CBX2: variants seen among roughly 807,000 people sequenced by gnomAD.
The protein encoded by CBX2 is chromobox protein homolog 2.
In CBX2, 11 loss-of-function variants were observed where a neutral mutation model predicts 21.0. That is an observed-to-expected ratio of 0.52 (90% CI 0.33 to 0.87). The LOEUF (loss-of-function observed/expected upper bound fraction) is 0.87. CBX2 is among the 40% of genes least tolerant of loss of function. The pLI is 0.02. For synonymous variants in CBX2, 364 were observed against 304.6 expected (o/e 1.19, Z -2.03); for missense variants, 746 against 724.3 (o/e 1.03, Z -0.34).
chr17:79,781,906 C>G (rs1246018164), intron 4 of CBX2, 105 bp downstream of exon 4: 10 of 1,614,064 alleles, frequency 6.2e-6, no homozygotes, highest in Non-Finnish European at 8.5e-6. Context: ...GGTGGCACTT[C>G]TGCCAACAGT....
chr17:79,782,770 C>A (rs1247714826), intron 4 of CBX2, among the ~76,000 whole-genome samples: 1 of 152,158 alleles, frequency 6.6e-6, no homozygotes, highest in African/African-American at 2.4e-5. Flanking sequence ...TTGAGGAGAT[C>A]ACTCCTGTTG....
chr17:79,785,226 G>C lies in CBX2; in HGVS notation c.*184G>C, dbSNP rs1907554594. On this transcript the variant is annotated 3_prime_UTR_variant, in exon 5 of 5. Coordinates refer to ENST00000310942, the MANE Select transcript of CBX2 (RefSeq NM_005189.3). ...CACCCCACTCTGTCCCAGGACATAG[G>C]GCAGGGGGCCTCACTGCCTTGTTGG... The C allele has an allele frequency of 1.6e-6, 1 of 622,884 alleles. No individual in the cohort carries two copies. The highest frequency in any genetic ancestry group is 2.9e-6 in the Non-Finnish European group (1 of 349,114). 38.6% of individuals were successfully genotyped at this position (622,884 alleles called of 1,614,324 possible). A position where few individuals can be genotyped will look rare whatever the true frequency, so the allele number is the denominator to read the frequency against.
In CBX2 at chr17:79,784,752, C is replaced by G. The variant is rs1255121769; in HGVS notation, c.1309C>G (p.Pro437Ala). 6.2e-7 allele frequency: 1 copy of G among 1,611,078 alleles called. No individual in the cohort carries two copies. Among genetic ancestry groups the G allele is most frequent in the African/African-American group, 1.3e-5 (1 of 74,996 alleles). Residue 437 changes from proline (P) to alanine (A), a missense_variant, in exon 5 of 5, where the codon CCC (proline) becomes GCC (alanine). Transcript: ENST00000310942. The surrounding 1 kb of genome is among the most constrained non-coding windows in gnomAD (Gnocchi z 5.9). ...KRDCVKGSAT[P>A]SGQESRTAPG... ...GGACTGTGTCAAGGGCAGTGCTACC[C>G]CCAGTGGGCAGGAGAGCCGCACAGC...
intron 4 of CBX2, chr17:79,782,462 A>G: frequency 8.0e-7 from 1 of 1,246,888 alleles, no homozygotes. Context: ...GAGGCAGGAC[A>G]GGATGGGGGA....
chr17:79,779,327 T>C, intron 2 of CBX2, 35 bp from the exon 3 acceptor site: 3 of 1,605,490 alleles, frequency 1.9e-6, no homozygotes, highest in Non-Finnish European at 2.6e-6. Context: ...ATCATCAGCC[T>C]GGCGTCTAAT....
Position 79,779,348 on chromosome 17 carries a change from C to T in CBX2, c.117-14C>T, listed in dbSNP as rs373265960. 5.3e-5 allele frequency: 86 copies of T among 1,612,916 alleles called. No individual in the cohort carries two copies. The African/African-American group carries it at 6.1e-4, about 12-fold the overall frequency. On this transcript the variant is annotated splice_polypyrimidine_tract_variant and intron_variant, in intron 2 of 4. Coordinates refer to ENST00000310942, the MANE Select transcript of CBX2 (RefSeq NM_005189.3). Reference sequence around the variant, plus strand: ...AGCCTGGCGTCTAATGCTGCCCTGTCCTCTGCTTTGCAGACATAACAGCTG... The same window carrying T: ...AGCCTGGCGTCTAATGCTGCCCTGTTCTCTGCTTTGCAGACATAACAGCTG...
At position 79,782,518 on chromosome 17, in the gene CBX2, C is replaced by T. The variant is rs138215310; in HGVS notation, c.288+717C>T. On this transcript the variant is annotated intron_variant, in intron 4 of 4. Coordinates refer to ENST00000310942, the MANE Select transcript of CBX2 (RefSeq NM_005189.3). ...CGGGTGTGGCTTTGATTCCCTCCTC[C>T]GGGCACTGTCCCTGGACCTTCGCGT... 24 of 1,167,628 alleles carry T rather than the reference C, an allele frequency of 2.1e-5. No individual in the cohort carries two copies. In the East Asian group the frequency reaches 2.8e-4, roughly 14 times the overall value. The allele number at this position is 1,167,628 out of a possible 1,614,324, so 72.3% of individuals were successfully genotyped here.
intron 4 of CBX2, chr17:79,782,222 G>T: frequency 6.2e-7 from 1 of 1,600,816 alleles, no homozygotes; most frequent in Non-Finnish European, 8.5e-7. Context: ...CCCACCTGCG[G>T]GTGCACCTTA....
rs1202346923 is a variant in CBX2 at position 79,781,679 on chromosome 17, T to G, written c.183-17T>G. On this transcript the variant is annotated splice_polypyrimidine_tract_variant and intron_variant, in intron 3 of 4. Transcript: ENST00000310942. ...CGCACAGGGCTTCTCCCCCATTAAC[T>G]AGTGGTGTGCCTTCAGGGAACATGA... 1.2e-6 allele frequency: 2 copies of G among 1,605,434 alleles called. No individual in the cohort carries two copies. Among genetic ancestry groups the G allele is most frequent in the African/African-American group, 2.7e-5 (2 of 74,720 alleles).
intron 4 of CBX2, among the ~76,000 whole-genome samples, chr17:79,783,201 T>C (rs545118253): frequency 4.6e-5 from 7 of 152,330 alleles, no homozygotes; most frequent in African/African-American, 1.7e-4. Flanking sequence ...TCTTCATTTT[T>C]ACGAGCCACC....
rs782765846 is a variant in CBX2, at chr17:79,785,048, C to T, written c.*6C>T. 14 of 1,596,696 alleles carry T rather than the reference C, an allele frequency of 8.8e-6. No individual in the cohort carries two copies. Among genetic ancestry groups the T allele is most frequent in the South Asian group, 6.6e-5 (6 of 91,002 alleles). ...TCAACCTGAGGCATTACTGAAGCCC[C>T]GGCGCCACCAGCTGCGCGGTCTTAC... On this transcript the variant is annotated 3_prime_UTR_variant, in exon 5 of 5. Coordinates refer to ENST00000310942, the MANE Select transcript of CBX2 (RefSeq NM_005189.3).
chr17:79,783,432 CGTA>C (rs1907384531), intron 4 of CBX2, among the ~76,000 whole-genome samples: 1 of 146,446 alleles, frequency 6.8e-6, no homozygotes, highest in Non-Finnish European at 1.5e-5. Context: ...TTTTTTGAGA[CGTA>C]GTCTCGCTCT....
rs942484000 is a variant in CBX2, at chr17:79,783,867, G to T, written c.424G>T (p.Val142Leu). 6 of 1,614,006 alleles carry T rather than the reference G, an allele frequency of 3.7e-6. No homozygotes were observed. The highest frequency in any genetic ancestry group is 5.1e-6 in the Non-Finnish European group (6 of 1,179,956). Residue 142 changes from valine (V) to leucine (L), a missense_variant, in exon 5 of 5, where the codon GTG (valine) becomes TTG (leucine). This residue lies in a region of CBX2 where 701 missense variants were observed against 650.7 expected (regional missense o/e 1.08). Coordinates refer to ENST00000310942, the MANE Select transcript of CBX2 (RefSeq NM_005189.3). ...RGPRGRETHPVPQKKAQILVA... is the reference protein window; with the variant it reads ...RGPRGRETHPLPQKKAQILVA... ...TCCCCGGGGCCGCGAGACCCACCCA[G>T]TGCCGCAGAAGAAGGCCCAGATCCT...
chr17:79,781,455 C>T (rs1414695803), intron 3 of CBX2, among the ~76,000 whole-genome samples: 1 of 152,146 alleles, frequency 6.6e-6, no homozygotes, highest in Non-Finnish European at 1.5e-5. Context: ...CATTGTTTTC[C>T]CAGCGTTGCT....
In CBX2 at chr17:79,785,296, C is replaced by T. The variant is rs1907559179; in HGVS notation, c.*254C>T. The stretch of plus-strand genomic sequence containing the variant: ...TCTGCAGGCCTCTTTGCTCTCCCCT[C>T]TTGCCTCAGGAAACCCGGTGGCACC... On this transcript the variant is annotated 3_prime_UTR_variant, in exon 5 of 5. Coordinates refer to ENST00000310942, the MANE Select transcript of CBX2 (RefSeq NM_005189.3). The T allele has an allele frequency of 3.5e-6, 2 of 569,910 alleles. No individual in the cohort carries two copies. The allele number at this position is 569,910 out of a possible 1,614,324, so 35.3% of individuals were successfully genotyped here. A position where few individuals can be genotyped will look rare whatever the true frequency, so the allele number is the denominator to read the frequency against.
chr17:79,778,662 C>T lies in CBX2; in HGVS notation c.116+235C>T, dbSNP rs1157391975. ...GCTGGGCGGCCCCCCGCGCCAGAAC[C>T]TCCTCGGCTGCCGCGCCGCGCTCCC... On this transcript the variant is annotated intron_variant, in intron 2 of 4. Transcript: ENST00000310942. The surrounding 1 kb of genome is among the most constrained non-coding windows in gnomAD (Gnocchi z 4.8). Among the ~76,000 whole-genome samples, 4 of 151,766 alleles carry T rather than the reference C, an allele frequency of 2.6e-5. No individual in the cohort carries two copies. The highest frequency in any genetic ancestry group is 5.9e-5 in the Non-Finnish European group (4 of 67,862).
rs1555830311 is a variant in CBX2 at position 79,781,767 on chromosome 17, C to T, written c.254C>T (p.Ala85Val). ...RPRGRPRKLT[A>V]MSSCSRRSKL... ...AGAGGCCGGCCAAGGAAGCTCACTG[C>T]CATGTCCTCCTGCAGCCGGCGCTCC... is the stretch of plus-strand genomic sequence containing the variant. The change falls in exon 4 of 5, where the codon GCC becomes GTC. Residue 85 changes from alanine to valine, a missense_variant. Ala to Val is a moderately conservative substitution (Grantham distance 64). Around this residue, in one of 2 missense-constraint regions of CBX2, gnomAD observed 701 missense variants for 650.7 expected, o/e 1.08. Coordinates refer to ENST00000310942, the MANE Select transcript of CBX2 (RefSeq NM_005189.3). 1.9e-6 allele frequency: 3 copies of T among 1,613,964 alleles called. No homozygotes were observed. Among genetic ancestry groups the T allele is most frequent in the South Asian group, 2.2e-5 (2 of 91,090 alleles).
rs202115702 is a variant in CBX2, at chr17:79,781,668, C to A, written c.183-28C>A. 2.5e-5 allele frequency: 39 copies of A among 1,582,622 alleles called. No homozygotes were observed. The African/African-American group carries it at 2.7e-4, about 11-fold the overall frequency. ...TAGAAGGGGTACGCACAGGGCTTCT[C>A]CCCCATTAACTAGTGGTGTGCCTTC... On this transcript the variant is annotated intron_variant, in intron 3 of 4. Transcript: ENST00000310942.
chr17:79,778,169 G>C lies in CBX2; in HGVS notation c.-67G>C. On this transcript the variant is annotated 5_prime_UTR_variant, in exon 1 of 5. Coordinates refer to ENST00000310942, the MANE Select transcript of CBX2 (RefSeq NM_005189.3). The surrounding 1 kb of genome is among the most constrained non-coding windows in gnomAD (Gnocchi z 4.8). ...GGGCGGTGCTTTGTGTGCTGCCGGCGGGGCGCGCGGCGGTCCGGGCGGGTG... is the reference window on the plus strand; with the variant it reads ...GGGCGGTGCTTTGTGTGCTGCCGGCCGGGCGCGCGGCGGTCCGGGCGGGTG... 1.0e-6 allele frequency: 1 copy of C among 960,062 alleles called. No homozygotes were observed. The highest frequency in any genetic ancestry group is 1.3e-6 in the Non-Finnish European group (1 of 762,586). The allele number at this position is 960,062 out of a possible 1,614,324, so 59.5% of individuals were successfully genotyped here. A position where few individuals can be genotyped will look rare whatever the true frequency, so the allele number is the denominator to read the frequency against.
Sources: gnomAD v4.1 joint callset for allele counts (sites outside exome capture counted in the v4.1 genomes callset) on GRCh38, gnomAD v4.1.1 for gene constraint, gnomAD v4.1.1 regional missense constraint, Gnocchi (gnomAD v3.1) non-coding constraint, MANE v1.5 for transcripts, NCBI Gene and HGNC (gene_info 2026-07-23, HGNC 2026-07-21) for gene names.